Variants in PACRG observed in about 807,000 individuals in gnomAD.
The protein encoded by PACRG is parkin coregulated, also known as parkin coregulated gene protein.
Under a neutral mutation model 29.7 loss-of-function variants are expected in PACRG, and 29 were observed. The ratio of observed to expected loss-of-function variants is 0.98; its 90% CI spans 0.73 to 1.33. PACRG has a LOEUF of 1.33. PACRG is among the 40% of genes most tolerant of loss of function. The pLI, the probability that PACRG is intolerant of heterozygous loss-of-function variation, is 0.00. For synonymous variants in PACRG, 116 were observed against 118.7 expected (o/e 0.98, Z 0.15); for missense variants, 279 against 316.2 (o/e 0.88, Z 0.89).
At chr6:163,165,964 C>G in intron 4 of PACRG, 1 of 379,422 alleles carries the variant, frequency 2.6e-6, no homozygotes, top group Non-Finnish European at 5.2e-6. Flanking sequence ...ATTTTTAAAA[C>G]GTTATGATTC....
At chr6:163,185,998 C>T (rs538235570) in intron 4 of PACRG, among the ~76,000 whole-genome samples, 1 of 152,308 alleles carries the variant, frequency 6.6e-6, no homozygotes, top group Admixed American at 6.5e-5. Flanking sequence ...CCCCTCCTCT[C>T]TCTGTTTTGG....
chr6:162,914,777 T>A (rs1471357933), intron 2 of PACRG, among the ~76,000 whole-genome samples: 2 of 151,964 alleles, frequency 1.3e-5, no homozygotes, highest in East Asian at 3.9e-4. Context: ...ATACCTTTTA[T>A]TAGATTTCTT....
intron 2 of PACRG, among the ~76,000 whole-genome samples, chr6:163,031,329 A>G (rs1216634467): frequency 6.6e-6 from 1 of 152,210 alleles, no homozygotes; most frequent in Non-Finnish European, 1.5e-5. Context: ...GGGTTGCTAG[A>G]TCATTCCAGT....
chr6:163,068,482 C>CTT (rs1554350061), intron 3 of PACRG, among the ~76,000 whole-genome samples: 3,904 of 132,840 alleles, frequency 0.029, 166 homozygotes, highest in African/African-American at 0.094. Flanking sequence ...TACTTTAATG[C>CTT]TTTTTTTTTT....
At chr6:163,005,298 C>T (rs1030681839) in intron 2 of PACRG, among the ~76,000 whole-genome samples, 2 of 151,850 alleles carry the variant, frequency 1.3e-5, no homozygotes, top group East Asian at 3.8e-4. Context: ...TTATATTTTA[C>T]TAATTTCCAC....
At chr6:163,132,284 C>T (rs750228044) in intron 4 of PACRG, among the ~76,000 whole-genome samples, 1 of 152,072 alleles carries the variant, frequency 6.6e-6, no homozygotes, top group Non-Finnish European at 1.5e-5. Flanking sequence ...TGAATTTACT[C>T]ATCAGTAAAT....
intron 2 of PACRG, among the ~76,000 whole-genome samples, chr6:162,876,968 A>C (rs1439840459): frequency 6.6e-6 from 1 of 152,204 alleles, no homozygotes; most frequent in African/African-American, 2.4e-5. Context: ...AGAAATAGGA[A>C]CACTTTTACA....
chr6:163,235,897 G>A (rs1159140164), intron 4 of PACRG, among the ~76,000 whole-genome samples: 1 of 151,448 alleles, frequency 6.6e-6, no homozygotes, highest in Non-Finnish European at 1.5e-5. Context: ...CTTTGGTTTG[G>A]TAACAACTAA....
At chr6:162,803,930 G>A (rs910514749) in intron 1 of PACRG, among the ~76,000 whole-genome samples, 1 of 152,042 alleles carries the variant, frequency 6.6e-6, no homozygotes, top group African/African-American at 2.4e-5. Flanking sequence ...TTTATACAAT[G>A]TAATTACAAT....
At position 162,854,000 on chromosome 6, in the gene PACRG, CAT is replaced by C. The variant is rs1470781902; in HGVS notation, c.291+39722_291+39723del. 6.6e-6 allele frequency among the ~76,000 whole-genome samples: 1 copy of C among 151,970 alleles called. No homozygotes were observed. Among genetic ancestry groups the C allele is most frequent in the African/African-American group, 2.4e-5 (1 of 41,392 alleles). ...ATCATTATACATTTAAAATCTCTAA[CAT>C]ATTCTATGGTCAACAGTTGAAGGAA... On this transcript the variant is annotated intron_variant, in intron 2 of 4. Coordinates refer to ENST00000366888, the MANE Select transcript of PACRG (RefSeq NM_001080379.2). This position sits in a 1 kb window ranked among gnomAD's most constrained non-coding sequence, Gnocchi z 4.7.
chr6:162,999,751 G>T (rs73025103), intron 2 of PACRG, among the ~76,000 whole-genome samples: 2,784 of 152,244 alleles, frequency 0.018, 63 homozygotes, highest in Non-Finnish European at 0.022. Flanking sequence ...TCATTTTCTT[G>T]TGAGTTTTAC....
intron 1 of PACRG, among the ~76,000 whole-genome samples, chr6:162,800,974 G>A (rs539869443): frequency 7.2e-5 from 11 of 152,212 alleles, no homozygotes; most frequent in African/African-American, 1.7e-4. Flanking sequence ...GTTCCTCCAC[G>A]TGCGCTGAGC....
At chr6:163,066,445 G>A (rs920871263) in intron 3 of PACRG, among the ~76,000 whole-genome samples, 2 of 152,210 alleles carry the variant, frequency 1.3e-5, no homozygotes. Flanking sequence ...GGAGGACAGT[G>A]TAGTGTGAAA....
At chr6:162,955,899 T>G (rs1257962136) in intron 2 of PACRG, among the ~76,000 whole-genome samples, 1 of 152,186 alleles carries the variant, frequency 6.6e-6, no homozygotes, top group African/African-American at 2.4e-5. Flanking sequence ...GGCAACAGCC[T>G]TGTACGTGTA....
chr6:163,191,723 T>A (rs1780225729), intron 4 of PACRG: 1 of 456,230 alleles, frequency 2.2e-6, no homozygotes, highest in African/African-American at 2.0e-5. Context: ...CAAAATGCCA[T>A]CTTCTCCACT....
intron 2 of PACRG, among the ~76,000 whole-genome samples, chr6:163,057,882 T>C (rs1040543462): frequency 7.2e-5 from 11 of 152,222 alleles, no homozygotes; most frequent in Non-Finnish European, 1.6e-4. Context: ...ACTAGGCCAG[T>C]CTTTCCTAGA....
intron 2 of PACRG, among the ~76,000 whole-genome samples, chr6:163,009,808 T>G (rs1246980235): frequency 1.3e-5 from 2 of 152,228 alleles, no homozygotes; most frequent in Non-Finnish European, 2.9e-5. Context: ...AAACTTACAC[T>G]TAAAAGGCTG....
chr6:163,163,161 G>T (rs140766078), intron 4 of PACRG, among the ~76,000 whole-genome samples: 1 of 152,172 alleles, frequency 6.6e-6, no homozygotes, highest in Non-Finnish European at 1.5e-5. Flanking sequence ...GTACACCACC[G>T]GGGATGTGGC....
chr6:163,238,164 C>G (rs1470446787), intron 4 of PACRG, among the ~76,000 whole-genome samples: 1 of 152,144 alleles, frequency 6.6e-6, no homozygotes, highest in Non-Finnish European at 1.5e-5. Context: ...TAATTTTACT[C>G]TACAATTGAA....
Sources: allele counts gnomAD v4.1 joint callset (sites outside exome capture counted in the v4.1 genomes callset), GRCh38; gene constraint gnomAD v4.1.1; non-coding constraint Gnocchi (gnomAD v3.1); transcripts MANE v1.5; gene names NCBI Gene and HGNC (gene_info 2026-07-23, HGNC 2026-07-21).